Variants in MGAT5B observed in about 807,000 individuals in gnomAD.
The protein encoded by MGAT5B is N-acetylglucosaminyl-transferase Vb.
Under a neutral mutation model 95.1 loss-of-function variants are expected in MGAT5B, and 54 were observed. The observed-to-expected ratio is 0.57, with a 90% CI of 0.46 to 0.71. The LOEUF (loss-of-function observed/expected upper bound fraction) is 0.71, where lower values mean the gene tolerates loss of function less well. Among genes scored for constraint, MGAT5B ranks in the 30% least tolerant of loss-of-function variants. The pLI is 0.00. For synonymous variants in MGAT5B, 464 were observed against 451.0 expected, an observed-to-expected ratio of 1.03 and a Z score of -0.36; for missense variants, 935 against 1,088.6, an observed-to-expected ratio of 0.86 and a Z score of 1.99.
rs1407024142 is a variant in MGAT5B at position 76,912,805 on chromosome 17, G to A, written c.1025+6618G>A. ...GTCAGCCAGTCCCCGCCCGCGCCCC[G>A]CCGTGTGCGGAGGGAAGAAGCCAAA... On this transcript the variant is annotated intron_variant, in intron 8 of 17. Coordinates refer to ENST00000569840, the MANE Select transcript of MGAT5B (RefSeq NM_001199172.2). The surrounding 1 kb of genome is among the most constrained non-coding windows in gnomAD (Gnocchi z 5.0). 2.6e-5 allele frequency among the ~76,000 whole-genome samples: 4 copies of A among 152,292 alleles called. No individual in the cohort carries two copies. Among genetic ancestry groups the A allele is most frequent in the South Asian group, 2.1e-4 (1 of 4,812 alleles).
At chr17:76,876,221 A>G (rs1404135527) in intron 2 of MGAT5B, among the ~76,000 whole-genome samples, 1 of 152,018 alleles carries the variant, frequency 6.6e-6, no homozygotes, top group Non-Finnish European at 1.5e-5. Context: ...CCTGCAGAAA[A>G]CCTAGGAGGT....
rs970308348 is a variant in MGAT5B, at chr17:76,912,310, G to A, written c.1025+6123G>A. On this transcript the variant is annotated intron_variant, in intron 8 of 17. Transcript: ENST00000569840. The surrounding 1 kb of genome is among the most constrained non-coding windows in gnomAD (Gnocchi z 5.0). ...GGCAGAGTTCCCAGCGAGCAACCGC[G>A]AGCCCTTCAGGGAGAGGCAGAAGCA... Among the ~76,000 whole-genome samples, 2 of 152,118 alleles carry A rather than the reference G, an allele frequency of 1.3e-5. No individual in the cohort carries two copies. Among genetic ancestry groups the A allele is most frequent in the Non-Finnish European group, 2.9e-5 (2 of 68,024 alleles).
At position 76,905,877 on chromosome 17, in the gene MGAT5B, C is replaced by G; in HGVS notation, c.856-141C>G. 1.2e-6 allele frequency: 1 copy of G among 856,656 alleles called. No individual in the cohort carries two copies. Among genetic ancestry groups the G allele is most frequent in the Non-Finnish European group, 1.8e-6 (1 of 569,438 alleles). The allele number at this position is 856,656 out of a possible 1,614,324, so 53.1% of individuals were successfully genotyped here. On this transcript the variant is annotated intron_variant, in intron 7 of 17. Transcript: ENST00000569840. The surrounding 1 kb of genome is among the most constrained non-coding windows in gnomAD (Gnocchi z 4.2). Reference sequence around the variant, plus strand: ...GTGTCCCCAGTGCCCGATCTGGTCACTCTGGTGCCGGAAAGCACCTGCTGG... The same window carrying G: ...GTGTCCCCAGTGCCCGATCTGGTCAGTCTGGTGCCGGAAAGCACCTGCTGG...
rs2145103416 is a variant in MGAT5B, at chr17:76,870,028, A to T, written c.68+931A>T. ...AGCTGGGCAGCGAGGAAGCTGGGGG[A>T]GTGACCGCCCCGGCGCGGGGGCCGG... On this transcript the variant is annotated intron_variant, in intron 1 of 17. Coordinates refer to ENST00000569840, the MANE Select transcript of MGAT5B (RefSeq NM_001199172.2). This position sits in a 1 kb window ranked among gnomAD's most constrained non-coding sequence, Gnocchi z 5.0. 6.6e-6 allele frequency among the ~76,000 whole-genome samples: 1 copy of T among 152,128 alleles called. No individual in the cohort carries two copies. The highest frequency in any genetic ancestry group is 2.1e-4 in the South Asian group (1 of 4,826).
chr17:76,872,732 C>G, intron 1 of MGAT5B, 119 bp from the exon 2 acceptor site: 2 of 1,575,842 alleles, frequency 1.3e-6, no homozygotes, highest in Non-Finnish European at 1.7e-6. Context: ...CTTTCATTCT[C>G]CCTTGCTTCC....
At position 76,915,060 on chromosome 17, in the gene MGAT5B, G is replaced by C. The variant is rs77731374; in HGVS notation, c.1025+8873G>C. ...CAAACAAAGTCACATTCACAGGTACGGGGATTAGGACTTCACCCTCCTTCA... is the reference window on the plus strand; with the variant it reads ...CAAACAAAGTCACATTCACAGGTACCGGGATTAGGACTTCACCCTCCTTCA... On this transcript the variant is annotated intron_variant, in intron 8 of 17. Transcript: ENST00000569840. The surrounding 1 kb of genome is among the most constrained non-coding windows in gnomAD (Gnocchi z 8.7). 0.035 allele frequency among the ~76,000 whole-genome samples: 5,344 copies of C among 152,282 alleles called. 306 individuals are homozygous for C. Among genetic ancestry groups the C allele is most frequent in the African/African-American group, 0.12 (4,796 of 41,534 alleles).
rs554172448 is a variant in MGAT5B at position 76,916,410 on chromosome 17, G to A, written c.1026-8556G>A. ...GGCCTGGCCTGTGTTGGGGAGGGCT[G>A]CAAGGGAAGACTCATGGAAATGACG... On this transcript the variant is annotated intron_variant, in intron 8 of 17. Transcript: ENST00000569840. This position sits in a 1 kb window ranked among gnomAD's most constrained non-coding sequence, Gnocchi z 5.3. 6.6e-6 allele frequency among the ~76,000 whole-genome samples: 1 copy of A among 152,374 alleles called. No homozygotes were observed. Among genetic ancestry groups the A allele is most frequent in the East Asian group, 1.9e-4 (1 of 5,184 alleles).
chr17:76,880,908 C>T (rs1967386209), intron 2 of MGAT5B, among the ~76,000 whole-genome samples: 1 of 152,194 alleles, frequency 6.6e-6, no homozygotes, highest in East Asian at 1.9e-4. Context: ...AACCCTTGTC[C>T]CAGGCTCTGC....
chr17:76,871,103 C>T (rs780263500), intron 1 of MGAT5B, among the ~76,000 whole-genome samples: 1 of 152,164 alleles, frequency 6.6e-6, no homozygotes, highest in Non-Finnish European at 1.5e-5. Flanking sequence ...CTAAATACAA[C>T]TCCTTCACTC....
chr17:76,948,846 T>C lies in MGAT5B; in HGVS notation c.*8T>C. On this transcript the variant is annotated 3_prime_UTR_variant, in exon 18 of 18. Transcript: ENST00000569840. ...TGCCAGGGCTGTCTGTGAATCCGCC[T>C]CTGCCGCCCTGCCTGGCACCCACGC... is the stretch of plus-strand genomic sequence containing the variant. 1.3e-6 allele frequency: 2 copies of C among 1,574,920 alleles called. No homozygotes were observed. The highest frequency in any genetic ancestry group is 1.2e-5 in the South Asian group (1 of 86,468).
At position 76,946,208 on chromosome 17, in the gene MGAT5B, G is replaced by A. The variant is rs542863858; in HGVS notation, c.1849-168G>A. 5.5e-4 allele frequency: 305 copies of A among 557,290 alleles called. 1 individual carries two copies. Among genetic ancestry groups the A allele is most frequent in the African/African-American group, 5.3e-3 (275 of 51,614 alleles). 34.5% of individuals were successfully genotyped at this position (557,290 alleles called of 1,614,324 possible). A position where few individuals can be genotyped will look rare whatever the true frequency, so the allele number is the denominator to read the frequency against. ...GGCTACTGGAGGGTGTGCGGGGAACGGGGACTCTGAGCTGGGTGGAAGGGC... is the reference window on the plus strand; with the variant it reads ...GGCTACTGGAGGGTGTGCGGGGAACAGGGACTCTGAGCTGGGTGGAAGGGC... On this transcript the variant is annotated intron_variant, in intron 15 of 17. Coordinates refer to ENST00000569840, the MANE Select transcript of MGAT5B (RefSeq NM_001199172.2).
rs546739817 is a variant in MGAT5B, at chr17:76,899,023, G to A, written c.330-3532G>A. On this transcript the variant is annotated intron_variant, in intron 3 of 17. Coordinates refer to ENST00000569840, the MANE Select transcript of MGAT5B (RefSeq NM_001199172.2). Reference sequence around the variant, plus strand: ...CTGGCCACTCACAACCACACCCACCGTGGGTCAGGGGGTTCAGAAAGTGAC... The same window carrying A: ...CTGGCCACTCACAACCACACCCACCATGGGTCAGGGGGTTCAGAAAGTGAC... 3.3e-5 allele frequency among the ~76,000 whole-genome samples: 5 copies of A among 152,350 alleles called. No individual in the cohort carries two copies. In the South Asian group the frequency reaches 8.3e-4, roughly 25 times the overall value.
rs1283334385 is a variant in MGAT5B at position 76,868,674 on chromosome 17, G to C, written c.-356G>C. ...GGCCGGGGATGAGGGCGCCCGCCGC[G>C]GGGAGCCCGTCTGCGCGCCGCGGCA... On this transcript the variant is annotated 5_prime_UTR_variant, in exon 1 of 18. Coordinates refer to ENST00000569840, the MANE Select transcript of MGAT5B (RefSeq NM_001199172.2). The surrounding 1 kb of genome is among the most constrained non-coding windows in gnomAD (Gnocchi z 6.3). 1 of 149,852 alleles carries C rather than the reference G, an allele frequency of 6.7e-6. No individual in the cohort carries two copies. Among genetic ancestry groups the C allele is most frequent in the African/African-American group, 2.4e-5 (1 of 41,148 alleles). The allele number at this position is 149,852 out of a possible 1,614,324, so 9.3% of individuals were successfully genotyped here.
At chr17:76,893,118 C>A (rs1967939124) in intron 3 of MGAT5B, among the ~76,000 whole-genome samples, 2 of 152,096 alleles carry the variant, frequency 1.3e-5, no homozygotes, top group Admixed American at 1.3e-4. Context: ...TTCCCTGTGG[C>A]CCTTGAGTGG....
chr17:76,939,025 T>TGGC (rs1969766700), intron 13 of MGAT5B, among the ~76,000 whole-genome samples: 1 of 128,882 alleles, frequency 7.8e-6, no homozygotes, highest in South Asian at 2.8e-4. Context: ...CAAGGCATCT[T>TGGC]GGGGGTGTGT....
chr17:76,877,158 TCTA>T, intron 2 of MGAT5B, among the ~76,000 whole-genome samples: 1 of 151,936 alleles, frequency 6.6e-6, no homozygotes, highest in South Asian at 2.1e-4. Flanking sequence ...AAACCCCATC[TCTA>T]CTAAAAATAC....
intron 5 of MGAT5B, 103 bp downstream of exon 5, chr17:76,903,479 A>C (rs1968397629): frequency 1.2e-6 from 1 of 822,270 alleles, no homozygotes; most frequent in Non-Finnish European, 1.9e-6. Flanking sequence ...AACCTCAGGG[A>C]AACAGCTTCT....
chr17:76,918,254 A>G lies in MGAT5B; in HGVS notation c.1026-6712A>G, dbSNP rs987488206. ...CCATGCTTTGTGGTAGCTTCGGCTA[A>G]AGAGCACCCAGACTGTGCCTCCATC... On this transcript the variant is annotated intron_variant, in intron 8 of 17. Coordinates refer to ENST00000569840, the MANE Select transcript of MGAT5B (RefSeq NM_001199172.2). This position sits in a 1 kb window ranked among gnomAD's most constrained non-coding sequence, Gnocchi z 5.1. 6.6e-6 allele frequency among the ~76,000 whole-genome samples: 1 copy of G among 152,088 alleles called. No individual in the cohort carries two copies. Among genetic ancestry groups the G allele is most frequent in the Non-Finnish European group, 1.5e-5 (1 of 68,006 alleles).
rs372745073 is a variant in MGAT5B, at chr17:76,945,088, T to C, written c.1849-1288T>C. On this transcript the variant is annotated intron_variant, in intron 15 of 17. Transcript: ENST00000569840. ...TGCTGCCCCTGCCCTTTCAGGTCAGTGATTTTCTCCACGGTGGCTCTGCAC... is the reference window on the plus strand; with the variant it reads ...TGCTGCCCCTGCCCTTTCAGGTCAGCGATTTTCTCCACGGTGGCTCTGCAC... Among the ~76,000 whole-genome samples the C allele has an allele frequency of 5.5e-4, 83 of 152,074 alleles. No individual in the cohort carries two copies. The South Asian group carries it at 0.017, about 31-fold the overall frequency.
Sources: allele counts gnomAD v4.1 joint callset (sites outside exome capture counted in the v4.1 genomes callset), GRCh38; gene constraint gnomAD v4.1.1; non-coding constraint Gnocchi (gnomAD v3.1); transcripts MANE v1.5; gene names NCBI Gene and HGNC (gene_info 2026-07-23, HGNC 2026-07-21).